The following NRAP variants were observed in gnomAD, a reference collection of about 807,000 sequenced individuals.
The protein encoded by NRAP is nebulin related anchoring protein, also known as nebulin-related-anchoring protein.
Under a neutral mutation model 225.9 loss-of-function variants are expected in NRAP, and 189 were observed. That is an observed-to-expected ratio of 0.84 (90% CI 0.74 to 0.94). The LOEUF is 0.94. Ranked by LOEUF, NRAP falls within the 40% of genes least tolerant of loss-of-function variation. The probability of loss-of-function intolerance (pLI) is 0.00; values close to 1 mark genes in which losing one functional copy is unlikely to be tolerated. For synonymous variants in NRAP, 769 were observed against 790.7 expected (o/e 0.97, Z 0.46); for missense variants, 2,176 against 2,168.7 (o/e 1.00, Z -0.07).
chr10:113,648,897 C>T (rs371161656), intron 9 of NRAP, among the ~76,000 whole-genome samples: 5 of 152,268 alleles, frequency 3.3e-5, no homozygotes, highest in East Asian at 3.9e-4. Flanking sequence ...TGAAATGATA[C>T]ATGTGTCTTA....
intron 35 of NRAP, among the ~76,000 whole-genome samples, chr10:113,598,979 T>C (rs1349167987): frequency 1.3e-5 from 2 of 152,212 alleles, no homozygotes; most frequent in Admixed American, 1.3e-4. Flanking sequence ...TGCCCACCAT[T>C]ACCTACAACG....
intron 18 of NRAP, among the ~76,000 whole-genome samples, chr10:113,631,125 C>A (rs1230831433): frequency 1.3e-5 from 2 of 152,172 alleles, no homozygotes; most frequent in Non-Finnish European, 2.9e-5. Flanking sequence ...GACAGCACCA[C>A]AATAAGCAGG....
At chr10:113,658,780 GCTGAGATATGAGAATCA>G (rs1279728912) in intron 3 of NRAP, among the ~76,000 whole-genome samples, 3 of 151,536 alleles carry the variant, frequency 2.0e-5, no homozygotes, top group African/African-American at 7.3e-5. Context: ...TACTCAGGAG[GCTGAGATATGAGAATCA>G]CTTGAACCCA....
intron 37 of NRAP, 136 bp downstream of exon 37, chr10:113,596,950 C>A: frequency 6.7e-6 from 4 of 595,004 alleles, no homozygotes; most frequent in Non-Finnish European, 9.1e-6. Context: ...ATTTACACAC[C>A]CATCTGTCCA....
intron 23 of NRAP, among the ~76,000 whole-genome samples, chr10:113,622,857 A>T (rs1564727329): frequency 6.6e-6 from 1 of 152,234 alleles, no homozygotes; most frequent in Non-Finnish European, 1.5e-5. Context: ...TAAAGAGCTT[A>T]TGTCAGAATG....
chr10:113,593,823 T>A (rs1484757324), intron 38 of NRAP, among the ~76,000 whole-genome samples: 2 of 152,238 alleles, frequency 1.3e-5, no homozygotes, highest in Non-Finnish European at 2.9e-5. Context: ...TCTGGGCTGG[T>A]TATTGACACC....
At chr10:113,601,558 G>A (rs2419843) in intron 35 of NRAP, among the ~76,000 whole-genome samples, 109,288 of 152,134 alleles carry the variant, frequency 0.72, 39,601 homozygotes, top group East Asian at 0.92. Context: ...AATTTAAGCA[G>A]TCACTTCTTA....
In NRAP at chr10:113,606,228, C is replaced by G. The variant is rs1846957684; in HGVS notation, c.3757G>C (p.Gly1253Arg). 2 of 1,614,084 alleles carry G rather than the reference C, an allele frequency of 1.2e-6. No homozygotes were observed. The highest frequency in any genetic ancestry group is 1.7e-6 in the Non-Finnish European group (2 of 1,180,000). Reference sequence around the variant, plus strand: ...TTTGCTCGGATGAACTCGGGCAGACCCAGGGTCATTGTATACTCGTGTCTT... The same window carrying G: ...TTTGCTCGGATGAACTCGGGCAGACGCAGGGTCATTGTATACTCGTGTCTT... The part of the protein sequence containing the change: ...DARHEYTMTL[G>R]LPEFIRAKTN... The change falls in exon 33 of 42, where the codon GGT becomes CGT. Residue 1253 changes from glycine to arginine, a missense_variant. Transcript: ENST00000359988.
chr10:113,621,946 C>T lies in NRAP; in HGVS notation c.2692G>A (p.Ala898Thr). 1 of 1,614,222 alleles carries T rather than the reference C, an allele frequency of 6.2e-7. No individual in the cohort carries two copies. Reference protein sequence around the residue: ...HLATDVGYKTAEHHFTALPTD... With the variant: ...HLATDVGYKTTEHHFTALPTD... ...GGCAAAGCCGTAAAGTGATGTTCCG[C>T]TGTCTTGTAGCCTACGTCTGTGGCT... is the stretch of plus-strand genomic sequence containing the variant. Residue 898 changes from alanine to threonine, a missense_variant, in exon 24 of 42, where the codon GCG becomes ACG. This residue lies in a region of NRAP where 1,708 missense variants were observed against 1,695.5 expected (regional missense o/e 1.01). Transcript: ENST00000359988.
intron 7 of NRAP, among the ~76,000 whole-genome samples, chr10:113,651,061 C>A (rs567957696): frequency 3.9e-5 from 6 of 152,174 alleles, no homozygotes; most frequent in Non-Finnish European, 8.8e-5. Context: ...TTTGTAGTGG[C>A]AAGAGAGATT....
rs74488307 is a variant in NRAP, at chr10:113,653,104, G to T, written c.466-65C>A. The stretch of plus-strand genomic sequence containing the variant: ...ATATTGAATGACAACTAAGAAAACC[G>T]CAATAAAACCAATGAAACTAGATTC... On this transcript the variant is annotated intron_variant, in intron 5 of 41. Coordinates refer to ENST00000359988, the MANE Select transcript of NRAP (RefSeq NM_198060.4). 16 of 837,966 alleles carry T rather than the reference G, an allele frequency of 1.9e-5. No individual in the cohort carries two copies. In the East Asian group the frequency reaches 4.0e-4, roughly 21 times the overall value. 51.9% of individuals were successfully genotyped at this position (837,966 alleles called of 1,614,324 possible).
chr10:113,621,913 T>A lies in NRAP; in HGVS notation c.2725A>T (p.Met909Leu). ...GCCTTCTTGGCCCATTCCACCTTCA[T>A]GTCTGTGGGCAAAGCCGTAAAGTGA... ...EHHFTALPTD[M>L]KVEWAKKAYG... Residue 909 changes from methionine to leucine, a missense_variant, in exon 24 of 42, where the codon ATG (methionine) becomes TTG (leucine). Physicochemically the swap from Met to Leu is conservative, Grantham distance 15. Coordinates refer to ENST00000359988, the MANE Select transcript of NRAP (RefSeq NM_198060.4). 2 of 1,613,864 alleles carry A rather than the reference T, an allele frequency of 1.2e-6. No individual in the cohort carries two copies. Among genetic ancestry groups the A allele is most frequent in the Admixed American group, 3.3e-5 (2 of 60,018 alleles).
At chr10:113,630,448 G>A (rs1413176759) in intron 18 of NRAP, among the ~76,000 whole-genome samples, 1 of 152,126 alleles carries the variant, frequency 6.6e-6, no homozygotes, top group East Asian at 1.9e-4. Flanking sequence ...AATGACCATG[G>A]TGATGGTGAA....
At chr10:113,608,590 T>C in intron 31 of NRAP, 78 bp from the exon 32 acceptor site, 3 of 927,130 alleles carry the variant, frequency 3.2e-6, no homozygotes, top group Non-Finnish European at 5.1e-6. Flanking sequence ...TCTTTAAGTA[T>C]TAGCCATAAA....
Position 113,606,296 on chromosome 10 carries a change from A to G in NRAP, c.3703-14T>C, listed in dbSNP as rs1564707609. 4 of 1,460,094 alleles carry G rather than the reference A, an allele frequency of 2.7e-6. No homozygotes were observed. Among genetic ancestry groups the G allele is most frequent in the African/African-American group, 2.8e-5 (2 of 71,846 alleles). 90.4% of individuals were successfully genotyped at this position (1,460,094 alleles called of 1,614,324 possible). A position where few individuals can be genotyped will look rare whatever the true frequency, so the allele number is the denominator to read the frequency against. ...TTTATAGAGGCGCTAGGCCAAAAAA[A>G]TATAATAATAATAATGCAAGAGATA... On this transcript the variant is annotated splice_polypyrimidine_tract_variant and intron_variant, in intron 32 of 41. Coordinates refer to ENST00000359988, the MANE Select transcript of NRAP (RefSeq NM_198060.4).
intron 4 of NRAP, among the ~76,000 whole-genome samples, chr10:113,655,388 G>A (rs764447734): frequency 3.3e-5 from 5 of 150,716 alleles, no homozygotes; most frequent in Non-Finnish European, 5.9e-5. Flanking sequence ...TTGCAAATTT[G>A]CAATAGAAAA....
rs145409206 is a variant in NRAP, at chr10:113,646,070, T to A, written c.994-129A>T. 141 of 561,906 alleles carry A rather than the reference T, an allele frequency of 2.5e-4. No individual in the cohort carries two copies. In the East Asian group the frequency reaches 3.1e-3, roughly 12 times the overall value. 34.8% of individuals were successfully genotyped at this position (561,906 alleles called of 1,614,324 possible). On this transcript the variant is annotated intron_variant, in intron 10 of 41. Transcript: ENST00000359988. ...ACAATTTTCTGAAAGAAAAAAAAAT[T>A]CACATGGCCTTTTCTCTTCATTAAA...
intron 4 of NRAP, among the ~76,000 whole-genome samples, chr10:113,656,034 G>A (rs920135170): frequency 4.4e-5 from 6 of 136,796 alleles, no homozygotes; most frequent in South Asian, 2.2e-4. Context: ...AAAGGGGGAG[G>A]TCGAACATGT....
intron 3 of NRAP, among the ~76,000 whole-genome samples, chr10:113,660,568 G>C (rs1426167955): frequency 6.6e-6 from 1 of 152,140 alleles, no homozygotes; most frequent in Non-Finnish European, 1.5e-5. Context: ...ACCTCAAAAA[G>C]AGGAAAATAG....
Sources: allele counts gnomAD v4.1 joint callset (sites outside exome capture counted in the v4.1 genomes callset), GRCh38; gene constraint gnomAD v4.1.1; regional missense constraint gnomAD v4.1.1; transcripts MANE v1.5; gene names NCBI Gene and HGNC (gene_info 2026-07-23, HGNC 2026-07-21).